Variants in NOS1AP observed in about 807,000 individuals in gnomAD.
The protein encoded by NOS1AP is nitric oxide synthase 1 adaptor protein.
A neutral mutation model predicts 56.2 loss-of-function variants in NOS1AP; 21 were observed. That is an observed-to-expected ratio of 0.37 (90% CI 0.26 to 0.54). The LOEUF is 0.54. Among genes scored for constraint, NOS1AP ranks in the 20% least tolerant of loss-of-function variants. NOS1AP has a pLI of 0.84. For missense variants in NOS1AP, 522 were observed against 657.8 expected (o/e 0.79, Z 2.26); for synonymous variants, 270 against 274.6 (o/e 0.98, Z 0.17).
chr1:162,212,189 C>A (rs930112341), intron 2 of NOS1AP, among the ~76,000 whole-genome samples: 1 of 152,164 alleles, frequency 6.6e-6, no homozygotes, highest in African/African-American at 2.4e-5. Flanking sequence ...GACAGCTCAT[C>A]GTGTGGCCCC....
chr1:162,124,859 A>G (rs1648415037), intron 1 of NOS1AP, among the ~76,000 whole-genome samples: 1 of 152,068 alleles, frequency 6.6e-6, no homozygotes. Flanking sequence ...TCATCAGTTG[A>G]TGGGCACTTA....
chr1:162,322,221 A>T (rs1330844153), intron 4 of NOS1AP, among the ~76,000 whole-genome samples: 1 of 152,230 alleles, frequency 6.6e-6, no homozygotes, highest in Non-Finnish European at 1.5e-5. Flanking sequence ...ACAAGCCACC[A>T]GCAGTGGCTT....
intron 1 of NOS1AP, among the ~76,000 whole-genome samples, chr1:162,129,684 T>C (rs1250767623): frequency 6.6e-6 from 1 of 152,192 alleles, no homozygotes; most frequent in Non-Finnish European, 1.5e-5. Context: ...GTAAGCCTGG[T>C]GTTGGGTCCA....
At chr1:162,285,670 T>C (rs1655067110) in intron 2 of NOS1AP, among the ~76,000 whole-genome samples, 1 of 152,154 alleles carries the variant, frequency 6.6e-6, no homozygotes, top group Non-Finnish European at 1.5e-5. Context: ...GCCTCCCGTT[T>C]CCCCTTTACT....
intron 1 of NOS1AP, among the ~76,000 whole-genome samples, chr1:162,124,642 C>T (rs1648400197): frequency 6.6e-6 from 1 of 152,208 alleles, no homozygotes; most frequent in Admixed American, 6.5e-5. Context: ...CTGCCCCAGC[C>T]TCCTGAGTAG....
At chr1:162,289,234 TTCCTTCCTTCC>T (rs1655196487) in intron 3 of NOS1AP, among the ~76,000 whole-genome samples, 24 of 56,840 alleles carry the variant, frequency 4.2e-4, no homozygotes, top group African/African-American at 1.7e-3. Flanking sequence ...CCTTCCTTCC[TTCCTTCCTTCC>T]TTCCTTCCTT....
At chr1:162,213,856 A>G (rs1310375205) in intron 2 of NOS1AP, among the ~76,000 whole-genome samples, 1 of 152,238 alleles carries the variant, frequency 6.6e-6, no homozygotes, top group Non-Finnish European at 1.5e-5. Flanking sequence ...AAGCTTGGTA[A>G]ATAGCCAGCT....
chr1:162,294,747 G>A (rs1655396176), intron 3 of NOS1AP, among the ~76,000 whole-genome samples: 1 of 152,178 alleles, frequency 6.6e-6, no homozygotes, highest in Non-Finnish European at 1.5e-5. Context: ...GGTGTCCTTA[G>A]CAGACGCGGA....
chr1:162,354,165 G>C (rs896233670), intron 6 of NOS1AP, among the ~76,000 whole-genome samples: 1 of 152,242 alleles, frequency 6.6e-6, no homozygotes, highest in Non-Finnish European at 1.5e-5. Context: ...AGGCCTGGTT[G>C]CCTGGGCTAG....
chr1:162,210,385 A>G (rs1021048501), intron 2 of NOS1AP, among the ~76,000 whole-genome samples: 6 of 152,064 alleles, frequency 3.9e-5, no homozygotes, highest in African/African-American at 1.2e-4. Context: ...CAAAAGCCAC[A>G]CTGTTTTCCC....
chr1:162,346,132 T>A (rs555224630), intron 6 of NOS1AP, among the ~76,000 whole-genome samples: 2 of 152,326 alleles, frequency 1.3e-5, no homozygotes, highest in African/African-American at 2.4e-5. Flanking sequence ...TTTATTGAAT[T>A]TGAAAATTCA....
At chr1:162,255,799 C>A (rs541031438) in intron 2 of NOS1AP, among the ~76,000 whole-genome samples, 5 of 152,248 alleles carry the variant, frequency 3.3e-5, no homozygotes, top group Non-Finnish European at 7.4e-5. Context: ...TGATTATTTT[C>A]TGCTTAAGCA....
chr1:162,261,519 A>AG lies in NOS1AP; in HGVS notation c.178-25824dup, dbSNP rs1654230739. On this transcript the variant is annotated intron_variant, in intron 2 of 9. Transcript: ENST00000361897. ...GAGAGAGAGAGAGAGAGAGAGAGAG[A>AG]GAGAGAGAGAGAGAGAGAGAGAGAG... is the stretch of plus-strand genomic sequence containing the variant. 2.4e-4 allele frequency among the ~76,000 whole-genome samples: 8 copies of AG among 32,992 alleles called. 3 individuals are homozygous for AG. The highest frequency in any genetic ancestry group is 4.6e-4 in the Admixed American group (2 of 4,302). The allele number at this position is 32,992 out of a possible 152,430, so 21.6% of individuals were successfully genotyped here.
At chr1:162,358,229 G>T (rs977151189) in intron 8 of NOS1AP, among the ~76,000 whole-genome samples, 1 of 152,164 alleles carries the variant, frequency 6.6e-6, no homozygotes, top group Non-Finnish European at 1.5e-5. Flanking sequence ...GAATCATCCA[G>T]CCAGAGATAT....
intron 2 of NOS1AP, among the ~76,000 whole-genome samples, chr1:162,167,551 G>T (rs902740675): frequency 6.6e-5 from 10 of 152,348 alleles, no homozygotes; most frequent in Non-Finnish European, 1.2e-4. Flanking sequence ...CCTGGTGCCA[G>T]GGTGGTTGTG....
intron 9 of NOS1AP, among the ~76,000 whole-genome samples, chr1:162,366,043 A>G (rs1358198833): frequency 2.0e-5 from 3 of 152,188 alleles, no homozygotes; most frequent in African/African-American, 7.2e-5. Flanking sequence ...TGGGAGCAGT[A>G]TATCTGTTCA....
At chr1:162,107,798 C>T (rs994239091) in intron 1 of NOS1AP, among the ~76,000 whole-genome samples, 5 of 152,098 alleles carry the variant, frequency 3.3e-5, no homozygotes, top group African/African-American at 9.7e-5. Context: ...ATATCCCTAT[C>T]GGCGTGTATC....
At chr1:162,159,935 A>G (rs775541864) in intron 2 of NOS1AP, among the ~76,000 whole-genome samples, 7 of 151,950 alleles carry the variant, frequency 4.6e-5, no homozygotes, top group African/African-American at 7.3e-5. Flanking sequence ...TGACCCCTTC[A>G]TCTTTGGAAC....
chr1:162,071,097 C>T (rs1691651689), intron 1 of NOS1AP, among the ~76,000 whole-genome samples: 1 of 152,076 alleles, frequency 6.6e-6, no homozygotes, highest in South Asian at 2.1e-4. Context: ...ACTGCAGTGG[C>T]GGTTCCCACT....
Sources: gnomAD v4.1 joint callset for allele counts (sites outside exome capture counted in the v4.1 genomes callset) on GRCh38, gnomAD v4.1.1 for gene constraint, MANE v1.5 for transcripts, NCBI Gene and HGNC (gene_info 2026-07-23, HGNC 2026-07-21) for gene names.